The following CDH26 variants were observed in gnomAD, a reference collection of about 807,000 sequenced individuals.
CDH26 encodes the protein cadherin-like protein 26.
CDH26 carries 83 observed loss-of-function variants against 90.3 expected under a neutral mutation model. The observed-to-expected ratio is 0.92, with a 90% CI of 0.77 to 1.10. The LOEUF is 1.10. CDH26 is among the 50% of genes least tolerant of loss of function. CDH26 has a pLI of 0.00. For synonymous variants in CDH26, 397 were observed against 396.3 expected (o/e 1.00, Z -0.02); for missense variants, 1,013 against 1,037.6 (o/e 0.98, Z 0.33).
In CDH26 at chr20:59,983,001, G is replaced by GTGAA. The variant is rs1645007669; in HGVS notation, c.476_479dup (p.Asp160GlufsTer2). The GTGAA allele has an allele frequency of 6.2e-7, 1 of 1,614,118 alleles. No homozygotes were observed. Among genetic ancestry groups the GTGAA allele is most frequent in the African/African-American group, 1.3e-5 (1 of 75,040 alleles). ...GATTTTCAACATTAGGATCAGTGAT[G>GTGAA]TGAATGATCATGCACCCCAGTTTCC... On this transcript the variant is annotated frameshift_variant, in exon 5 of 18. Coordinates refer to ENST00000348616, the MANE Select transcript of CDH26 (RefSeq NM_177980.4). LOFTEE classifies it high-confidence loss of function.
Position 60,001,360 on chromosome 20 carries a change from TC to T in CDH26, c.2117del (p.Pro706HisfsTer28). On this transcript the variant is annotated frameshift_variant, in exon 15 of 18. Coordinates refer to ENST00000348616, the MANE Select transcript of CDH26 (RefSeq NM_177980.4). LOFTEE classifies it high-confidence loss of function. ...QGVKDLEEVP[P>X]SAASQSAQAR... ...CCCTCTAGGATCTCGAGGAAGTGCC[TC>T]CATCTGCAGCGAGTCAGTCAGCCCA... is the stretch of plus-strand genomic sequence containing the variant. 1 of 1,614,012 alleles carries T rather than the reference TC, an allele frequency of 6.2e-7. No individual in the cohort carries two copies. Among genetic ancestry groups the T allele is most frequent in the Non-Finnish European group, 8.5e-7 (1 of 1,180,010 alleles).
chr20:60,019,186 G>A (rs565329244), downstream of CDH26, among the ~76,000 whole-genome samples: 26 of 152,116 alleles, frequency 1.7e-4, no homozygotes, highest in Non-Finnish European at 3.4e-4. Flanking sequence ...AATGTGACTT[G>A]GAGAGAATCT....
In CDH26 at chr20:59,995,959, C is replaced by G. The variant is rs370792557; in HGVS notation, c.1793C>G (p.Ala598Gly). 33 of 1,614,092 alleles carry G rather than the reference C, an allele frequency of 2.0e-5. No individual in the cohort carries two copies. The highest frequency in any genetic ancestry group is 1.6e-4 in the Middle Eastern group (1 of 6,082). The change falls in exon 12 of 18, where the codon GCC (alanine) becomes GGC (glycine). Residue 598 changes from alanine to glycine, a missense_variant. Physicochemically the swap from Ala to Gly is moderately conservative, Grantham distance 60. Transcript: ENST00000348616. ...QTVHVRICPC[A>G]SGLTCVELAD... ...GTCCATGTAAGGATCTGCCCCTGTG[C>G]CAGTGGGCTCACATGTGTGGAGCTT...
chr20:59,962,076 G>A (rs1336121393), intron 1 of CDH26, among the ~76,000 whole-genome samples: 1 of 152,198 alleles, frequency 6.6e-6, no homozygotes, highest in Non-Finnish European at 1.5e-5. Flanking sequence ...GTTGCAGAAG[G>A]TGGGGATAGT....
At chr20:59,959,711 T>A (rs1461760460) in intron 1 of CDH26, among the ~76,000 whole-genome samples, 2 of 152,202 alleles carry the variant, frequency 1.3e-5, no homozygotes. Flanking sequence ...AGTTTTATAA[T>A]GATACTTCTG....
chr20:60,033,438 T>C, intron 8 of CDH26: 2 of 1,286,828 alleles, frequency 1.6e-6, no homozygotes, highest in Non-Finnish European at 2.0e-6. Context: ...GTTACCATTT[T>C]GCCTACGTTA....
chr20:60,004,261 C>G (rs549545112), intron 16 of CDH26, among the ~76,000 whole-genome samples: 2 of 152,174 alleles, frequency 1.3e-5, no homozygotes, highest in African/African-American at 2.4e-5. Context: ...TCATGTCTGG[C>G]TTAATGATGG....
chr20:60,001,523 A>G, intron 15 of CDH26, 112 bp downstream of exon 15: 1 of 1,467,992 alleles, frequency 6.8e-7, no homozygotes. Context: ...AGAAAAAGGC[A>G]CATAGTCAAT....
intron 7 of CDH26, among the ~76,000 whole-genome samples, chr20:60,025,493 G>A (rs2061989674): frequency 6.6e-6 from 1 of 152,268 alleles, no homozygotes; most frequent in South Asian, 2.1e-4. Flanking sequence ...GTCCTTTTGA[G>A]CTTGGATTTG....
intron 7 of CDH26, among the ~76,000 whole-genome samples, 164 bp downstream of exon 7, chr20:59,985,293 G>T (rs1162189689): frequency 6.6e-6 from 1 of 152,164 alleles, no homozygotes; most frequent in African/African-American, 2.4e-5. Flanking sequence ...TTGGCTCATG[G>T]TTCTGCAGGC....
At chr20:59,986,254 A>C (rs112882346) in intron 7 of CDH26, 1,847 of 152,290 alleles carry the variant, frequency 0.012, 14 homozygotes, top group South Asian at 0.039. Context: ...TCATTTAAAA[A>C]CATTGTATGT....
intron 7 of CDH26, among the ~76,000 whole-genome samples, chr20:60,021,867 C>CACACACACACACACACAG (rs781718000): frequency 1.1e-5 from 1 of 90,406 alleles, no homozygotes; most frequent in Non-Finnish European, 2.5e-5. Flanking sequence ...CACACACACA[C>CACACACACACACACACAG]ACACACACAC....
At chr20:59,979,487 G>A (rs182437501) in intron 4 of CDH26, among the ~76,000 whole-genome samples, 11 of 150,836 alleles carry the variant, frequency 7.3e-5, no homozygotes, top group South Asian at 4.2e-4. Context: ...GTGAGCCGCC[G>A]TGCCCAGCCG....
intron 11 of CDH26, 44 bp downstream of exon 11, chr20:59,994,533 G>C (rs767030574): frequency 6.2e-7 from 1 of 1,604,370 alleles, no homozygotes. Context: ...GAAAATGCCA[G>C]ATATCCAATT....
At chr20:59,989,534 C>CAAAA (rs924037162) in intron 9 of CDH26, among the ~76,000 whole-genome samples, 5 of 74,882 alleles carry the variant, frequency 6.7e-5, no homozygotes, top group African/African-American at 1.1e-4. Flanking sequence ...GACTCCGTCT[C>CAAAA]AAAAAAAAAA....
Position 59,992,932 on chromosome 20 carries a change from G to C in CDH26, c.1426+412G>C, listed in dbSNP as rs1601157811. On this transcript the variant is annotated intron_variant, in intron 10 of 17. Coordinates refer to ENST00000348616, the MANE Select transcript of CDH26 (RefSeq NM_177980.4). This position sits in a 1 kb window ranked among gnomAD's most constrained non-coding sequence, Gnocchi z 5.0. ...ACATTTGTCATAAACCAGAATGGGT[G>C]GTTTTATAAGCCTGTTTCAGCATTT... 6.6e-6 allele frequency among the ~76,000 whole-genome samples: 1 copy of C among 152,032 alleles called. No homozygotes were observed. Among genetic ancestry groups the C allele is most frequent in the Non-Finnish European group, 1.5e-5 (1 of 68,016 alleles).
rs141154499 is a variant in CDH26 at position 60,004,541 on chromosome 20, C to T, written c.2220+1675C>T. Among the ~76,000 whole-genome samples the T allele has an allele frequency of 1.6e-3, 246 of 152,010 alleles. 1 individual carries two copies. The highest frequency in any genetic ancestry group is 4.9e-3 in the African/African-American group (204 of 41,484). ...CAGCACTTTGGGAGGCCGAGGCAGG[C>T]GTATCACGAGATCAGGAGATAGAGA... is the stretch of plus-strand genomic sequence containing the variant. On this transcript the variant is annotated intron_variant, in intron 16 of 17. Transcript: ENST00000348616.
At chr20:59,976,041 A>G (rs2061324810) in intron 4 of CDH26, among the ~76,000 whole-genome samples, 1 of 152,330 alleles carries the variant, frequency 6.6e-6, no homozygotes, top group Admixed American at 6.5e-5. Flanking sequence ...TAGAATACAA[A>G]GCTACCCCAA....
rs2061431762 is a variant in CDH26 at position 59,984,751 on chromosome 20, C to T, written c.654C>T (p.Phe218=). The stretch of plus-strand genomic sequence containing the variant: ...CACCATTACTGAAAGAAAGTGGTTT[C>T]CGGGTTGATCGCCTTAGTGGAGAAA... The part of the protein sequence containing the change: ...SQTPLLKESG[F]RVDRLSGEIR... The change falls in exon 6 of 18, where the codon TTC becomes TTT. Residue 218 remains phenylalanine (F), a synonymous_variant. Transcript: ENST00000348616. 2 of 1,613,884 alleles carry T rather than the reference C, an allele frequency of 1.2e-6. No individual in the cohort carries two copies. The highest frequency in any genetic ancestry group is 1.7e-6 in the Non-Finnish European group (2 of 1,179,914).
Sources: allele counts gnomAD v4.1 joint callset (sites outside exome capture counted in the v4.1 genomes callset), GRCh38; gene constraint gnomAD v4.1.1; non-coding constraint Gnocchi (gnomAD v3.1); transcripts MANE v1.5; gene names NCBI Gene and HGNC (gene_info 2026-07-23, HGNC 2026-07-21).